UBR3: variants seen among roughly 807,000 people sequenced by gnomAD.
UBR3 encodes ubiquitin protein ligase E3 component n-recognin 3.
UBR3 carries 85 observed loss-of-function variants against 243.2 expected under a neutral mutation model. That is an observed-to-expected ratio of 0.35 (90% CI 0.29 to 0.42). The LOEUF (loss-of-function observed/expected upper bound fraction) is 0.42. UBR3 is among the 10% of genes least tolerant of loss of function. UBR3 has a pLI of 1.00. For missense variants in UBR3, 1,686 were observed against 2,300.8 expected (o/e 0.73, Z 5.47); for synonymous variants, 748 against 799.8 (o/e 0.94, Z 1.09).
chr2:169,927,338 T>C lies in UBR3; in HGVS notation c.2357T>C (p.Ile786Thr). Residue 786 changes from isoleucine (I) to threonine (T), a missense_variant, in exon 17 of 39, where the codon ATT (isoleucine) becomes ACT (threonine). Transcript: ENST00000272793. ...ATTTTAGGAATGTCTGATGATGAGA[T>C]TCTCAGGGCCGAGATGGTAGCCCAG... is the stretch of plus-strand genomic sequence containing the variant. Reference protein sequence around the residue: ...RLHLGMSDDEILRAEMVAQLC... With the variant: ...RLHLGMSDDETLRAEMVAQLC... 1 of 1,550,918 alleles carries C rather than the reference T, an allele frequency of 6.4e-7. No homozygotes were observed. Among genetic ancestry groups the C allele is most frequent in the Non-Finnish European group, 8.7e-7 (1 of 1,146,664 alleles).
intron 33 of UBR3, among the ~76,000 whole-genome samples, chr2:170,058,952 A>G (rs1435789095): frequency 6.6e-6 from 1 of 152,188 alleles, no homozygotes; most frequent in African/African-American, 2.4e-5. Flanking sequence ...TATTCTACCC[A>G]GCACAGACTC....
intron 1 of UBR3, among the ~76,000 whole-genome samples, chr2:169,855,503 C>T (rs141374485): frequency 0.043 from 6,614 of 152,064 alleles, 167 homozygotes; most frequent in Middle Eastern, 0.068. Flanking sequence ...TGCCGCCTTC[C>T]GCAGTGTTTG....
chr2:170,058,511 T>C (rs543792345), intron 33 of UBR3, among the ~76,000 whole-genome samples: 2 of 139,626 alleles, frequency 1.4e-5, no homozygotes, highest in East Asian at 2.1e-4. Flanking sequence ...TTTCTTTTCT[T>C]ATCTTTTCTT....
At chr2:170,013,559 T>C (rs1193363664) in intron 29 of UBR3, among the ~76,000 whole-genome samples, 2 of 152,190 alleles carry the variant, frequency 1.3e-5, no homozygotes, top group African/African-American at 4.8e-5. Context: ...AGTCATAATC[T>C]GGAATAATTA....
In UBR3 at chr2:169,928,820, GT is replaced by G; in HGVS notation, c.2523del (p.Phe841LeufsTer49). ...LSAVADFKAPVFEPGGSMQQG... is the reference protein window; with the variant it reads ...LSAVADFKAPXFEPGGSMQQG... Reference sequence around the variant, plus strand: ...AGCTGTAGCTGATTTTAAGGCTCCTGTTTTTGAACCTGGAGGTTCTATGCAA... The same window carrying G: ...AGCTGTAGCTGATTTTAAGGCTCCTGTTTTGAACCTGGAGGTTCTATGCAA... On this transcript the variant is annotated frameshift_variant, in exon 18 of 39. Transcript: ENST00000272793. LOFTEE classifies it high-confidence loss of function. 8 of 1,504,504 alleles carry G rather than the reference GT, an allele frequency of 5.3e-6. No homozygotes were observed. Among genetic ancestry groups the G allele is most frequent in the South Asian group, 1.3e-5 (1 of 77,224 alleles). 93.2% of individuals were successfully genotyped at this position (1,504,504 alleles called of 1,614,324 possible). A position where few individuals can be genotyped will look rare whatever the true frequency, so the allele number is the denominator to read the frequency against.
chr2:169,882,605 C>G (rs756925168), intron 5 of UBR3, among the ~76,000 whole-genome samples: 1 of 151,056 alleles, frequency 6.6e-6, no homozygotes, highest in African/African-American at 2.4e-5. Flanking sequence ...GCTGAACATG[C>G]TGGCACATGC....
rs1019225316 is a variant in UBR3 at position 169,931,574 on chromosome 2, C to A, written c.2567-1338C>A. ...TTAGGGAGAAGCTTAAGCTTCTTAC[C>A]ATGTTTTCAAATGTTAAGAATTTTG... On this transcript the variant is annotated intron_variant, in intron 18 of 38. Transcript: ENST00000272793. Among the ~76,000 whole-genome samples, 3 of 151,770 alleles carry A rather than the reference C, an allele frequency of 2.0e-5. No homozygotes were observed. The South Asian group carries it at 6.3e-4, about 32-fold the overall frequency.
At chr2:169,935,778 A>G (rs1459415871) in intron 19 of UBR3, among the ~76,000 whole-genome samples, 2 of 152,160 alleles carry the variant, frequency 1.3e-5, no homozygotes, top group Non-Finnish European at 1.5e-5. Flanking sequence ...GCATTATTCT[A>G]TTAATGCTTT....
intron 18 of UBR3, among the ~76,000 whole-genome samples, chr2:169,929,199 A>G (rs757411272): frequency 6.6e-6 from 1 of 152,206 alleles, no homozygotes; most frequent in African/African-American, 2.4e-5. Context: ...AAATATTTTG[A>G]ATGTATTTAC....
chr2:170,034,280 A>G (rs560740470), intron 31 of UBR3, among the ~76,000 whole-genome samples: 1 of 152,102 alleles, frequency 6.6e-6, no homozygotes, highest in South Asian at 2.1e-4. Flanking sequence ...CCACCGTTGT[A>G]GTATCATACA....
At chr2:169,835,893 G>A (rs1365707343) in intron 1 of UBR3, among the ~76,000 whole-genome samples, 2 of 150,896 alleles carry the variant, frequency 1.3e-5, no homozygotes, top group East Asian at 3.9e-4. Flanking sequence ...TTGCTCTAGA[G>A]TTGCTTTTAG....
intron 5 of UBR3, among the ~76,000 whole-genome samples, chr2:169,879,981 A>G (rs1041120334): frequency 6.6e-6 from 1 of 152,210 alleles, no homozygotes; most frequent in East Asian, 1.9e-4. Flanking sequence ...TAAGACTGCT[A>G]ATTCTTCGTA....
At chr2:169,853,739 C>T (rs1032079517) in intron 1 of UBR3, among the ~76,000 whole-genome samples, 7 of 151,766 alleles carry the variant, frequency 4.6e-5, no homozygotes, top group Non-Finnish European at 7.4e-5. Flanking sequence ...AGTGAGCCAT[C>T]GCCCCTGGCC....
In UBR3 at chr2:170,083,579, T is replaced by C. The variant is rs181733651; in HGVS notation, c.*1736T>C. The C allele has an allele frequency of 6.5e-6, 1 of 152,728 alleles. No individual in the cohort carries two copies. Among genetic ancestry groups the C allele is most frequent in the East Asian group, 1.9e-4 (1 of 5,192 alleles). 9.5% of individuals were successfully genotyped at this position (152,728 alleles called of 1,614,324 possible). ...AATGCTAATTGACATCTCTAGTAAATACTGTTACAGGATTCATGAACTTGA... is the reference window on the plus strand; with the variant it reads ...AATGCTAATTGACATCTCTAGTAAACACTGTTACAGGATTCATGAACTTGA... On this transcript the variant is annotated 3_prime_UTR_variant, in exon 39 of 39. Transcript: ENST00000272793.
At chr2:169,996,158 A>C (rs2089470324) in intron 26 of UBR3, among the ~76,000 whole-genome samples, 2 of 152,214 alleles carry the variant, frequency 1.3e-5, no homozygotes, top group Non-Finnish European at 2.9e-5. Context: ...GAGCCAGAGT[A>C]GAGTCTGGTT....
chr2:169,957,400 A>T (rs562324642), intron 23 of UBR3, among the ~76,000 whole-genome samples: 5 of 152,230 alleles, frequency 3.3e-5, no homozygotes, highest in Admixed American at 6.5e-5. Flanking sequence ...GGATGAGTTC[A>T]TGTCCTTCGT....
chr2:169,961,785 A>T (rs114422959), intron 24 of UBR3, among the ~76,000 whole-genome samples: 3 of 151,620 alleles, frequency 2.0e-5, no homozygotes, highest in Admixed American at 2.0e-4. Context: ...ATTTGTATCT[A>T]TGAGATCTTT....
At chr2:169,865,834 G>A (rs1055587325) in intron 1 of UBR3, among the ~76,000 whole-genome samples, 1 of 152,028 alleles carries the variant, frequency 6.6e-6, no homozygotes, top group African/African-American at 2.4e-5. Context: ...TGTCACACAG[G>A]CCAGATTCTC....
At chr2:170,030,014 G>A (rs1453919385) in intron 31 of UBR3, among the ~76,000 whole-genome samples, 1 of 152,082 alleles carries the variant, frequency 6.6e-6, no homozygotes, top group Non-Finnish European at 1.5e-5. Context: ...TCAAAGTAAG[G>A]AATGGATGCC....
Sources: allele counts gnomAD v4.1 joint callset (sites outside exome capture counted in the v4.1 genomes callset), GRCh38; gene constraint gnomAD v4.1.1; transcripts MANE v1.5; gene names NCBI Gene and HGNC (gene_info 2026-07-23, HGNC 2026-07-21).